Variants in UVSSA observed in about 807,000 individuals in gnomAD.
The protein encoded by UVSSA is UV-stimulated scaffold protein A.
Under a neutral mutation model 73.9 loss-of-function variants are expected in UVSSA, and 72 were observed. The ratio of observed to expected loss-of-function variants is 0.97; its 90% CI spans 0.81 to 1.19. The LOEUF (loss-of-function observed/expected upper bound fraction) is 1.19. Among genes scored for constraint, UVSSA ranks in the 50% most tolerant of loss-of-function variants. The probability of loss-of-function intolerance (pLI) is 0.00; values close to 1 mark genes in which losing one functional copy is unlikely to be tolerated. For missense variants in UVSSA, 1,150 were observed against 965.0 expected (o/e 1.19, Z -2.54); for synonymous variants, 454 against 391.3 (o/e 1.16, Z -1.89).
At chr4:1,366,802 G>A (rs1297708311) in intron 8 of UVSSA, among the ~76,000 whole-genome samples, 1 of 152,248 alleles carries the variant, frequency 6.6e-6, no homozygotes, top group Non-Finnish European at 1.5e-5. Flanking sequence ...GGAGGACACC[G>A]GCCTGCACAC....
intron 7 of UVSSA, among the ~76,000 whole-genome samples, chr4:1,355,622 C>T (rs1252022650): frequency 3.9e-5 from 6 of 152,184 alleles, no homozygotes; most frequent in Admixed American, 2.0e-4. Flanking sequence ...GAGAGACCCT[C>T]GGCAAACCCT....
Position 1,386,114 on chromosome 4 carries a change from G to A in UVSSA, c.*153G>A, listed in dbSNP as rs909137655. 46 of 806,162 alleles carry A rather than the reference G, an allele frequency of 5.7e-5. No individual in the cohort carries two copies. The East Asian group carries it at 7.7e-4, about 13-fold the overall frequency. 49.9% of individuals were successfully genotyped at this position (806,162 alleles called of 1,614,324 possible). On this transcript the variant is annotated 3_prime_UTR_variant, in exon 14 of 14. Coordinates refer to ENST00000389851, the MANE Select transcript of UVSSA (RefSeq NM_020894.4). ...GTGTGTTGCAATGCCCTGAAGGTAC[G>A]GCCGCTCTGCTGCTACAGGGTTCGG...
intron 10 of UVSSA, among the ~76,000 whole-genome samples, chr4:1,377,441 G>C (rs905202588): frequency 5.3e-5 from 8 of 152,200 alleles, no homozygotes; most frequent in Non-Finnish European, 1.0e-4. Context: ...ATTAGGGACA[G>C]TGTGAGGAGG....
intron 10 of UVSSA, among the ~76,000 whole-genome samples, chr4:1,377,258 G>A (rs749086632): frequency 5.3e-5 from 8 of 152,190 alleles, no homozygotes; most frequent in Non-Finnish European, 7.3e-5. Context: ...GTGCCGGGAC[G>A]TCCTGGCACA....
chr4:1,369,459 C>T (rs1424956964), intron 8 of UVSSA, among the ~76,000 whole-genome samples: 1 of 152,232 alleles, frequency 6.6e-6, no homozygotes, highest in African/African-American at 2.4e-5. Context: ...GCTGTTTTTT[C>T]AATTAAACGT....
At chr4:1,374,897 C>A (rs75915522) in intron 8 of UVSSA, 5,006 of 175,770 alleles carry the variant, frequency 0.028, 171 homozygotes, top group East Asian at 0.18. Flanking sequence ...ACCATGTGAG[C>A]ACCCTGTGGG....
chr4:1,378,804 A>T (rs369467359), intron 10 of UVSSA, among the ~76,000 whole-genome samples: 5 of 152,094 alleles, frequency 3.3e-5, no homozygotes, highest in African/African-American at 1.2e-4. Context: ...AGCCGCATGT[A>T]CCTCCTTGAC....
In UVSSA at chr4:1,377,550, G is replaced by A. The variant is rs1052551764; in HGVS notation, c.1568+1382G>A. Among the ~76,000 whole-genome samples, 20 of 152,210 alleles carry A rather than the reference G, an allele frequency of 1.3e-4. 1 individual carries two copies. Among genetic ancestry groups the A allele is most frequent in the South Asian group, 8.3e-4 (4 of 4,826 alleles). Reference sequence around the variant, plus strand: ...AGGGGTGCCCCAAGGCCAGTGCTTGGTTTCTGAGCCTGGGAGGTGACGCCC... The same window carrying A: ...AGGGGTGCCCCAAGGCCAGTGCTTGATTTCTGAGCCTGGGAGGTGACGCCC... On this transcript the variant is annotated intron_variant, in intron 10 of 13. Transcript: ENST00000389851.
At chr4:1,350,113 A>T (rs940307546) in intron 3 of UVSSA, among the ~76,000 whole-genome samples, 1 of 147,888 alleles carries the variant, frequency 6.8e-6, no homozygotes, top group Admixed American at 6.7e-5. Flanking sequence ...CTGAGGCTGC[A>T]TGTGTCATTT....
intron 11 of UVSSA, chr4:1,380,599 G>T (rs1389861441): frequency 2.7e-6 from 4 of 1,476,078 alleles, no homozygotes; most frequent in South Asian, 2.5e-5. Flanking sequence ...TGGGCATGGT[G>T]CAGGGGGGTC....
downstream of UVSSA, chr4:1,392,887 G>GGGAC (rs1720439962): frequency 6.6e-6 from 1 of 152,176 alleles, no homozygotes; most frequent in Non-Finnish European, 1.5e-5. Flanking sequence ...GACTGGACAG[G>GGGAC]GGACCCCTTT....
downstream of UVSSA, chr4:1,388,175 T>A (rs1490485118): frequency 6.6e-6 from 1 of 152,226 alleles, no homozygotes; most frequent in African/African-American, 2.4e-5. Flanking sequence ...ATTTTTGATT[T>A]ATAACCAAAA....
intron 4 of UVSSA, among the ~76,000 whole-genome samples, chr4:1,352,726 C>T (rs974768954): frequency 2.6e-5 from 4 of 152,352 alleles, no homozygotes; most frequent in Non-Finnish European, 5.9e-5. Context: ...CCAGGGCAGG[C>T]GGATCGCCTG....
intron 10 of UVSSA, among the ~76,000 whole-genome samples, chr4:1,377,135 G>T (rs796416062): frequency 2.6e-5 from 4 of 151,084 alleles, no homozygotes; most frequent in African/African-American, 7.4e-5. Flanking sequence ...TCCAGAGAGC[G>T]GGGGGGCAGG....
chr4:1,367,039 G>A (rs1001771192), intron 8 of UVSSA, among the ~76,000 whole-genome samples: 3 of 152,218 alleles, frequency 2.0e-5, no homozygotes, highest in African/African-American at 7.2e-5. Flanking sequence ...GCTTACGGGG[G>A]TCACAAGCAC....
chr4:1,366,456 G>A, intron 8 of UVSSA, 25 bp downstream of exon 8: 1 of 1,570,374 alleles, frequency 6.4e-7, no homozygotes, highest in Non-Finnish European at 8.7e-7. Context: ...CCGTGGGGGG[G>A]GCACCTGGGT....
chr4:1,393,995 G>A, exon 14 of UVSSA: 1 of 214,486 alleles, frequency 4.7e-6, no homozygotes, highest in Non-Finnish European at 9.4e-6. Context: ...TTGATGCATG[G>A]TGAGTGTGCC....
At chr4:1,343,287 GTC>G (rs1031889279), upstream of UVSSA, among the ~76,000 whole-genome samples, 2 of 152,228 alleles carry the variant, frequency 1.3e-5, no homozygotes, top group African/African-American at 4.8e-5. Context: ...CATCTCAGGA[GTC>G]TCTTCATCTT....
chr4:1,348,035 C>T (rs1335402342), intron 1 of UVSSA, 55 bp from the exon 2 acceptor site: 5 of 1,424,920 alleles, frequency 3.5e-6, no homozygotes, highest in Admixed American at 1.7e-5. Context: ...TTAATAACAC[C>T]GAGAGCTATA....
Sources: allele counts gnomAD v4.1 joint callset (sites outside exome capture counted in the v4.1 genomes callset), GRCh38; gene constraint gnomAD v4.1.1; transcripts MANE v1.5; gene names NCBI Gene and HGNC (gene_info 2026-07-23, HGNC 2026-07-21).